SHANK1: variants seen among roughly 807,000 people sequenced by gnomAD.
SHANK1 encodes SH3 and multiple ankyrin repeat domains protein 1.
SHANK1 carries 35 observed loss-of-function variants against 165.6 expected under a neutral mutation model. The ratio of observed to expected loss-of-function variants is 0.21; its 90% CI spans 0.16 to 0.28. The LOEUF (loss-of-function observed/expected upper bound fraction) is 0.28, where lower values mean the gene tolerates loss of function less well. Among genes scored for constraint, SHANK1 ranks in the 10% least tolerant of loss-of-function variants. The probability of loss-of-function intolerance (pLI) is 1.00; values close to 1 mark genes in which losing one functional copy is unlikely to be tolerated. For synonymous variants in SHANK1, 1,428 were observed against 1,384.8 expected, an observed-to-expected ratio of 1.03 and a Z score of -0.69; for missense variants, 2,681 against 3,036.4, an observed-to-expected ratio of 0.88 and a Z score of 2.75.
chr19:50,663,232 CAAAA>C (rs1226618071), intron 23 of SHANK1: 1 of 156,958 alleles, frequency 6.4e-6, no homozygotes, highest in Non-Finnish European at 1.4e-5. Flanking sequence ...GAGAGAGAGA[CAAAA>C]AGAGGGTGAG....
In SHANK1 at chr19:50,703,534, C is replaced by T. The variant is rs1172016948; in HGVS notation, c.1519G>A (p.Glu507Lys). 6.5e-7 allele frequency: 1 copy of T among 1,548,978 alleles called. No homozygotes were observed. The highest frequency in any genetic ancestry group is 8.7e-7 in the Non-Finnish European group (1 of 1,153,062). Residue 507 changes from glutamate (E) to lysine (K), a missense_variant, in exon 11 of 24, where the codon GAG becomes AAG. By Grantham distance (56) the Glu-to-Lys change is moderately conservative. Around this residue, in one of 10 missense-constraint regions of SHANK1, gnomAD observed 195 missense variants for 186.2 expected, o/e 1.05. Coordinates refer to ENST00000293441, the MANE Select transcript of SHANK1 (RefSeq NM_016148.5). ...ARSPSRGRHP[E>K]DAKRQPRGRP... The stretch of plus-strand genomic sequence containing the variant: ...CCTCGGGGCTGCCTCTTGGCGTCCT[C>T]AGGGTGCCTCCCTCGGGATGGAGAG...
At chr19:50,705,201 G>A (rs2088923568) in intron 8 of SHANK1, among the ~76,000 whole-genome samples, 1 of 152,000 alleles carries the variant, frequency 6.6e-6, no homozygotes, top group Admixed American at 6.6e-5. Flanking sequence ...AATTAGCCAG[G>A]CGTGGTGGTG....
chr19:50,706,769 T>G (rs886740633), intron 8 of SHANK1, among the ~76,000 whole-genome samples: 5 of 151,922 alleles, frequency 3.3e-5, no homozygotes, highest in Non-Finnish European at 7.4e-5. Context: ...TATTTTTATT[T>G]ATTTATTTAT....
In SHANK1 at chr19:50,670,794, TTTC is replaced by T. The variant is rs1202112630; in HGVS notation, c.2674+1221_2674+1223del. On this transcript the variant is annotated intron_variant, in intron 22 of 23. Transcript: ENST00000293441. The surrounding 1 kb of genome is among the most constrained non-coding windows in gnomAD (Gnocchi z 4.1). The stretch of plus-strand genomic sequence containing the variant: ...CCCACTTCATCTCTAGGTGTTTTTT[TTTC>T]TTTTCTTTTTTTTTGAGACAGAGTC... 1.3e-5 allele frequency among the ~76,000 whole-genome samples: 2 copies of T among 152,084 alleles called. No homozygotes were observed. The highest frequency in any genetic ancestry group is 2.9e-5 in the Non-Finnish European group (2 of 67,994).
Position 50,668,633 on chromosome 19 carries a change from C to G in SHANK1, c.3327G>C (p.Pro1109=), listed in dbSNP as rs780448241. The change falls in exon 23 of 24, where the codon CCG becomes CCC. Residue 1109 remains proline, a synonymous_variant. Coordinates refer to ENST00000293441, the MANE Select transcript of SHANK1 (RefSeq NM_016148.5). ...CTTCCACCTTGGTCTGCTTGACCAG[C>G]GGGCCCTTGCGGCCGCGGCCCGAGC... ...PARSGRGRKG[P]LVKQTKVEGE... 4.4e-6 allele frequency: 6 copies of G among 1,368,438 alleles called. No individual in the cohort carries two copies. In the South Asian group the frequency reaches 1.0e-4, roughly 24 times the overall value. The allele number at this position is 1,368,438 out of a possible 1,614,324, so 84.8% of individuals were successfully genotyped here. A position where few individuals can be genotyped will look rare whatever the true frequency, so the allele number is the denominator to read the frequency against.
rs1179230133 is a variant in SHANK1 at position 50,662,836 on chromosome 19, G to A, written c.5769-154C>T. ...GGAGAGACGGGAAGAAATGGAGGGA[G>A]CAAGGGGTAAGACGGCCGGCCGTCG... On this transcript the variant is annotated intron_variant, in intron 23 of 23. Coordinates refer to ENST00000293441, the MANE Select transcript of SHANK1 (RefSeq NM_016148.5). The surrounding 1 kb of genome is among the most constrained non-coding windows in gnomAD (Gnocchi z 7.7). Among the ~76,000 whole-genome samples the A allele has an allele frequency of 1.3e-5, 2 of 151,946 alleles. No individual in the cohort carries two copies. Among genetic ancestry groups the A allele is most frequent in the Non-Finnish European group, 2.9e-5 (2 of 67,988 alleles).
At chr19:50,698,090 A>C in intron 12 of SHANK1, 134 bp from the exon 13 acceptor site, 1 of 675,012 alleles carries the variant, frequency 1.5e-6, no homozygotes, top group Non-Finnish European at 2.6e-6. Flanking sequence ...ACATCTGAGG[A>C]AGGGGCGAGG....
At position 50,669,256 on chromosome 19, in the gene SHANK1, C is replaced by G; in HGVS notation, c.2704G>C (p.Ala902Pro). The G allele has an allele frequency of 6.2e-7, 1 of 1,611,380 alleles. No individual in the cohort carries two copies. Among genetic ancestry groups the G allele is most frequent in the South Asian group, 1.1e-5 (1 of 90,682 alleles). Reference protein sequence around the residue: ...GAAEDDRPYLAPPAMKFSRSL... With the variant: ...GAAEDDRPYLPPPAMKFSRSL... Reference sequence around the variant, plus strand: ...CGGCTGAATTTCATGGCTGGGGGTGCTAGGTAAGGTCTGTCATCTTCTGCC... The same window carrying G: ...CGGCTGAATTTCATGGCTGGGGGTGGTAGGTAAGGTCTGTCATCTTCTGCC... The change falls in exon 23 of 24, where the codon GCA becomes CCA. Residue 902 changes from alanine (A) to proline (P), a missense_variant. Ala to Pro is a conservative substitution (Grantham distance 27, BLOSUM62 -1). Transcript: ENST00000293441.
At chr19:50,692,872 G>A (rs117123737) in intron 15 of SHANK1, among the ~76,000 whole-genome samples, 2,221 of 87,112 alleles carry the variant, frequency 0.025, 38 homozygotes, top group Non-Finnish European at 0.026. Flanking sequence ...CCCATTTCCC[G>A]TGTCCCCTGA....
chr19:50,666,457 GGGGCAGAGA>G lies in SHANK1; in HGVS notation c.5494_5502del (p.Ser1832_Pro1834del). 6.2e-7 allele frequency: 1 copy of G among 1,606,848 alleles called. No individual in the cohort carries two copies. Among genetic ancestry groups the G allele is most frequent in the Non-Finnish European group, 8.5e-7 (1 of 1,177,944 alleles). ...CCCTCCTCCCAGGGCAGCAGCTTCC[GGGGCAGAGA>G]GGAGGCCGTCGGCAAGGGCACCGGT... is the stretch of plus-strand genomic sequence containing the variant. On this transcript the variant is annotated inframe_deletion, in exon 23 of 24. Transcript: ENST00000293441.
At position 50,662,434 on chromosome 19, in the gene SHANK1, G is replaced by A. The variant is rs761254952; in HGVS notation, c.6017C>T (p.Ala2006Val). Residue 2006 changes from alanine to valine, a missense_variant, in exon 24 of 24, where the codon GCC (alanine) becomes GTC (valine). Ala to Val is a moderately conservative substitution (Grantham distance 64). This residue lies in a region of SHANK1 where 1,713 missense variants were observed against 1,630.2 expected (regional missense o/e 1.05). Transcript: ENST00000293441. This position sits in a 1 kb window ranked among gnomAD's most constrained non-coding sequence, Gnocchi z 7.7. Reference protein sequence around the residue: ...RRAPSPSLLPASEHKVSPAPR... With the variant: ...RRAPSPSLLPVSEHKVSPAPR... Reference sequence around the variant, plus strand: ...CGCAGGGCTGACCTTGTGCTCCGAGGCGGGCAGCAGCGAGGGGCTGGGGGC... The same window carrying A: ...CGCAGGGCTGACCTTGTGCTCCGAGACGGGCAGCAGCGAGGGGCTGGGGGC... 7 of 1,553,214 alleles carry A rather than the reference G, an allele frequency of 4.5e-6. No individual in the cohort carries two copies. The highest frequency in any genetic ancestry group is 3.8e-5 in the Admixed American group (2 of 52,168).
intron 19 of SHANK1, chr19:50,687,058 C>T (rs1272467002): frequency 2.1e-6 from 3 of 1,456,832 alleles, no homozygotes; most frequent in Non-Finnish European, 2.7e-6. Flanking sequence ...GGGGGAGAGG[C>T]AGTAGAGGAG....
In SHANK1 at chr19:50,697,835, C is replaced by T. The variant is rs754064512; in HGVS notation, c.1861+8G>A. On this transcript the variant is annotated splice_region_variant and intron_variant, in intron 13 of 23. Coordinates refer to ENST00000293441, the MANE Select transcript of SHANK1 (RefSeq NM_016148.5). This position sits in a 1 kb window ranked among gnomAD's most constrained non-coding sequence, Gnocchi z 4.7. ...GTCCATTGAACACTGCTGGGGGTTCCGCATTACCTTGCTTGCTCTCCTGAG... is the reference window on the plus strand; with the variant it reads ...GTCCATTGAACACTGCTGGGGGTTCTGCATTACCTTGCTTGCTCTCCTGAG... 6 of 1,608,252 alleles carry T rather than the reference C, an allele frequency of 3.7e-6. No homozygotes were observed. Among genetic ancestry groups the T allele is most frequent in the East Asian group, 2.2e-5 (1 of 44,832 alleles).
chr19:50,671,575 C>A (rs1341438862), intron 22 of SHANK1, among the ~76,000 whole-genome samples: 2 of 151,512 alleles, frequency 1.3e-5, no homozygotes, highest in African/African-American at 4.9e-5. Context: ...ATCTGTCTTC[C>A]CCTGCTATAA....
At position 50,688,031 on chromosome 19, in the gene SHANK1, C is replaced by T. The variant is rs1163284221; in HGVS notation, c.2200G>A (p.Gly734Ser). Residue 734 changes from glycine (G) to serine (S), a missense_variant, in exon 18 of 24, where the codon GGC becomes AGC. Coordinates refer to ENST00000293441, the MANE Select transcript of SHANK1 (RefSeq NM_016148.5). The surrounding 1 kb of genome is among the most constrained non-coding windows in gnomAD (Gnocchi z 6.7). ...ATCATGTTCACCACCTGTCGGTGGC[C>T]GACCTTCACCACATTCTGCCCGTTC... ...EVNGQNVVKV[G>S]HRQVVNMIRQ... 2 of 1,613,972 alleles carry T rather than the reference C, an allele frequency of 1.2e-6. No homozygotes were observed. The highest frequency in any genetic ancestry group is 2.2e-5 in the East Asian group (1 of 44,882).
chr19:50,662,869 A>C lies in SHANK1; in HGVS notation c.5769-187T>G, dbSNP rs1482882829. 6.6e-6 allele frequency among the ~76,000 whole-genome samples: 1 copy of C among 152,120 alleles called. No individual in the cohort carries two copies. Among genetic ancestry groups the C allele is most frequent in the East Asian group, 1.9e-4 (1 of 5,172 alleles). Reference sequence around the variant, plus strand: ...TAAGACGGCCGGCCGTCGAGGAAAGAAATGAAGGGAGAGAAAGATGAGAGG... The same window carrying C: ...TAAGACGGCCGGCCGTCGAGGAAAGCAATGAAGGGAGAGAAAGATGAGAGG... On this transcript the variant is annotated intron_variant, in intron 23 of 23. Transcript: ENST00000293441. The surrounding 1 kb of genome is among the most constrained non-coding windows in gnomAD (Gnocchi z 7.7).
At chr19:50,711,318 G>A (rs1478876549) in intron 8 of SHANK1, 53 bp downstream of exon 8, 2 of 1,242,638 alleles carry the variant, frequency 1.6e-6, no homozygotes, top group Non-Finnish European at 2.3e-6. Context: ...TGGCCCTGGG[G>A]GAGGCGGCTA....
intron 22 of SHANK1, among the ~76,000 whole-genome samples, chr19:50,669,858 G>A (rs947470066): frequency 6.6e-6 from 1 of 152,006 alleles, no homozygotes; most frequent in Non-Finnish European, 1.5e-5. Flanking sequence ...GACTTTGAAC[G>A]CCAGGAGTTG....
chr19:50,672,895 C>G (rs1985850599), intron 21 of SHANK1, among the ~76,000 whole-genome samples: 1 of 152,096 alleles, frequency 6.6e-6, no homozygotes, highest in South Asian at 2.1e-4. Context: ...CAGAGGGGAC[C>G]AAACTCCCAA....
Sources: allele counts gnomAD v4.1 joint callset (sites outside exome capture counted in the v4.1 genomes callset), GRCh38; gene constraint gnomAD v4.1.1; regional missense constraint gnomAD v4.1.1; non-coding constraint Gnocchi (gnomAD v3.1); transcripts MANE v1.5; gene names NCBI Gene and HGNC (gene_info 2026-07-23, HGNC 2026-07-21).